Variants in EIF4A2 observed in about 807,000 individuals in gnomAD.
EIF4A2 encodes the protein eukaryotic initiation factor 4A-II.
A neutral mutation model predicts 50.6 loss-of-function variants in EIF4A2; 9 were observed. The observed-to-expected ratio is 0.18, with a 90% CI of 0.11 to 0.31. EIF4A2 has a LOEUF of 0.31. EIF4A2 is among the 10% of genes least tolerant of loss of function. The pLI is 1.00. For synonymous variants in EIF4A2, 215 were observed against 164.4 expected (o/e 1.31, Z -2.35); for missense variants, 182 against 501.8 (o/e 0.36, Z 6.09).
At chr3:186,785,429 C>A in intron 4 of EIF4A2, 2 of 372,266 alleles carry the variant, frequency 5.4e-6, no homozygotes, top group African/African-American at 2.1e-5. Flanking sequence ...GTTCGTGATG[C>A]ATCTGTTGCA....
At chr3:186,788,911 A>G in intron 10 of EIF4A2, 1 of 555,836 alleles carries the variant, frequency 1.8e-6, no homozygotes, top group Non-Finnish European at 3.0e-6. Flanking sequence ...TAAAAATCTC[A>G]TTTTGCAGCC....
At chr3:186,788,312 G>A (rs1227254349) in intron 10 of EIF4A2, 4 of 1,290,526 alleles carry the variant, frequency 3.1e-6, no homozygotes, top group Non-Finnish European at 4.0e-6. Flanking sequence ...AAATACAGGA[G>A]TCGATAGCAG....
intron 10 of EIF4A2, chr3:186,788,393 GCA>G (rs1721896783): frequency 6.2e-6 from 8 of 1,284,582 alleles, no homozygotes; most frequent in African/African-American, 3.1e-5. Context: ...AAGCGAAACA[GCA>G]CACTGTTTGA....
intron 4 of EIF4A2, 65 bp downstream of exon 4, chr3:186,785,166 G>A: frequency 1.3e-6 from 2 of 1,592,904 alleles, no homozygotes; most frequent in Non-Finnish European, 1.7e-6. Context: ...TCACAACTGT[G>A]AAGAATTTAA....
rs749499275 is a variant in EIF4A2 at position 186,789,302 on chromosome 3, G to T, written c.*33G>T. 2 of 1,584,178 alleles carry T rather than the reference G, an allele frequency of 1.3e-6. No individual in the cohort carries two copies. Among genetic ancestry groups the T allele is most frequent in the Non-Finnish European group, 1.7e-6 (2 of 1,165,734 alleles). On this transcript the variant is annotated 3_prime_UTR_variant, in exon 11 of 11. Transcript: ENST00000323963. ...GATGAGAGTTTTGGATGCAGTGCTC[G>T]CTGTTGCTGAATAGGCGATCACAAC... is the stretch of plus-strand genomic sequence containing the variant.
At position 186,789,638 on chromosome 3, in the gene EIF4A2, C is replaced by T. The variant is rs188694026; in HGVS notation, c.*369C>T. ...TATAAAATCAGCCAATTATGTTAAACTAGCATATCTGCCTTTATTGTGTTT... is the reference window on the plus strand; with the variant it reads ...TATAAAATCAGCCAATTATGTTAAATTAGCATATCTGCCTTTATTGTGTTT... On this transcript the variant is annotated 3_prime_UTR_variant, in exon 11 of 11. Transcript: ENST00000323963. 2 of 334,374 alleles carry T rather than the reference C, an allele frequency of 6.0e-6. No homozygotes were observed. Among genetic ancestry groups the T allele is most frequent in the Non-Finnish European group, 1.1e-5 (2 of 183,200 alleles). 20.7% of individuals were successfully genotyped at this position (334,374 alleles called of 1,614,324 possible). A position where few individuals can be genotyped will look rare whatever the true frequency, so the allele number is the denominator to read the frequency against.
Position 186,788,258 on chromosome 3 carries a change from T to G in EIF4A2, c.1079+376T>G. 10 of 1,280,300 alleles carry G rather than the reference T, an allele frequency of 7.8e-6. No homozygotes were observed. The South Asian group carries it at 1.3e-4, about 16-fold the overall frequency. The allele number at this position is 1,280,300 out of a possible 1,614,324, so 79.3% of individuals were successfully genotyped here. A position where few individuals can be genotyped will look rare whatever the true frequency, so the allele number is the denominator to read the frequency against. ...TATAGTGGCTTTATCCCTAAATAAATTGAATTGTACTTTGTTATATGATGT... is the reference window on the plus strand; with the variant it reads ...TATAGTGGCTTTATCCCTAAATAAAGTGAATTGTACTTTGTTATATGATGT... On this transcript the variant is annotated intron_variant, in intron 10 of 10. Transcript: ENST00000323963.
chr3:186,784,241 C>A (rs1048203919), intron 1 of EIF4A2, 191 bp from the exon 2 acceptor site: 57 of 777,740 alleles, frequency 7.3e-5, no homozygotes, highest in Non-Finnish European at 1.1e-4. Context: ...GCCTGGGGGG[C>A]TGCCTTTCCG....
At position 186,789,849 on chromosome 3, in the gene EIF4A2, ATGTC is replaced by A. The variant is rs1722011855; in HGVS notation, c.*582_*585del. 1.4e-6 allele frequency: 1 copy of A among 715,632 alleles called. No homozygotes were observed. Among genetic ancestry groups the A allele is most frequent in the South Asian group, 1.9e-5 (1 of 53,944 alleles). 44.3% of individuals were successfully genotyped at this position (715,632 alleles called of 1,614,324 possible). A position where few individuals can be genotyped will look rare whatever the true frequency, so the allele number is the denominator to read the frequency against. On this transcript the variant is annotated 3_prime_UTR_variant, in exon 11 of 11. Transcript: ENST00000323963. ...CCCCAGTAAAATTGCCATATTGCACATGTCTTAATGAAGTTTGAATGTTAAATAA... is the reference window on the plus strand; with the variant it reads ...CCCCAGTAAAATTGCCATATTGCACATTAATGAAGTTTGAATGTTAAATAA...
Position 186,789,333 on chromosome 3 carries a change from T to C in EIF4A2, c.*64T>C, listed in dbSNP as rs931423852. 6 of 1,530,312 alleles carry C rather than the reference T, an allele frequency of 3.9e-6. No homozygotes were observed. In the African/African-American group the frequency reaches 4.2e-5, roughly 11 times the overall value. The allele number at this position is 1,530,312 out of a possible 1,614,324, so 94.8% of individuals were successfully genotyped here. On this transcript the variant is annotated 3_prime_UTR_variant, in exon 11 of 11. Transcript: ENST00000323963. The stretch of plus-strand genomic sequence containing the variant: ...GCTGAATAGGCGATCACAACGTGCA[T>C]TGTGCTTCTTTCTTTGGGAATATTT...
rs778123749 is a variant in EIF4A2, at chr3:186,783,879, C to T, written c.29+240C>T. The T allele has an allele frequency of 2.9e-5, 17 of 588,620 alleles. No individual in the cohort carries two copies. In the Middle Eastern group the frequency reaches 1.4e-3, roughly 48 times the overall value. 36.5% of individuals were successfully genotyped at this position (588,620 alleles called of 1,614,324 possible). On this transcript the variant is annotated intron_variant, in intron 1 of 10. Coordinates refer to ENST00000323963, the MANE Select transcript of EIF4A2 (RefSeq NM_001967.4). ...TCCTCTCTAAGACATTACGAAACTT[C>T]GGCTGCTTTCCTTCCCAGTGTAGAG...
At chr3:186,787,709 T>C (rs1721823751) in intron 9 of EIF4A2, 94 bp from the exon 10 acceptor site, 7 of 1,584,862 alleles carry the variant, frequency 4.4e-6, no homozygotes, top group Non-Finnish European at 6.1e-6. Context: ...CAGTGGGCTA[T>C]ACCACTTAGT....
At chr3:186,783,959 A>G (rs1485011469) in intron 1 of EIF4A2, 2 of 455,266 alleles carry the variant, frequency 4.4e-6, no homozygotes, top group African/African-American at 3.9e-5. Context: ...GTACACTGTA[A>G]CCAGGACCCG....
chr3:186,785,626 T>C, intron 4 of EIF4A2: 1 of 447,382 alleles, frequency 2.2e-6, no homozygotes, highest in Non-Finnish European at 4.0e-6. Context: ...TGAAGAATAA[T>C]GTAGGAAACG....
At chr3:186,789,889 CACTTTAAAGGTGCTTTTGGTCATTTT>C in exon 11 of EIF4A2, 1 of 874,100 alleles carries the variant, frequency 1.1e-6, no homozygotes, top group East Asian at 2.6e-5. Context: ...ATTGTATATT[CACTTTAAAGGTGCTTTTGGTCATTTT>C]ATTTTTATTA....
rs371597681 is a variant in EIF4A2, at chr3:186,789,301, C to T, written c.*32C>T. Reference sequence around the variant, plus strand: ...GGATGAGAGTTTTGGATGCAGTGCTCGCTGTTGCTGAATAGGCGATCACAA... The same window carrying T: ...GGATGAGAGTTTTGGATGCAGTGCTTGCTGTTGCTGAATAGGCGATCACAA... On this transcript the variant is annotated 3_prime_UTR_variant, in exon 11 of 11. Transcript: ENST00000323963. 1.8e-5 allele frequency: 29 copies of T among 1,586,772 alleles called. No homozygotes were observed. The highest frequency in any genetic ancestry group is 2.3e-4 in the Middle Eastern group (1 of 4,332).
intron 1 of EIF4A2, 133 bp downstream of exon 1, chr3:186,783,772 TC>T: frequency 7.2e-7 from 1 of 1,386,960 alleles, no homozygotes; most frequent in Non-Finnish European, 1.0e-6. Context: ...CCTGTGCCCT[TC>T]CAGAAGCTTC....
chr3:186,789,845 G>T lies in EIF4A2; in HGVS notation c.*576G>T. 2 of 705,448 alleles carry T rather than the reference G, an allele frequency of 2.8e-6. No individual in the cohort carries two copies. The highest frequency in any genetic ancestry group is 4.7e-6 in the Non-Finnish European group (2 of 423,784). 43.7% of individuals were successfully genotyped at this position (705,448 alleles called of 1,614,324 possible). ...TAATCCCCAGTAAAATTGCCATATT[G>T]CACATGTCTTAATGAAGTTTGAATG... On this transcript the variant is annotated 3_prime_UTR_variant, in exon 11 of 11. Coordinates refer to ENST00000323963, the MANE Select transcript of EIF4A2 (RefSeq NM_001967.4).
At chr3:186,787,453 A>G (rs752730124) in intron 8 of EIF4A2, 42 bp from the exon 9 acceptor site, 1 of 1,612,010 alleles carries the variant, frequency 6.2e-7, no homozygotes, top group Non-Finnish European at 8.5e-7. Flanking sequence ...TTAAATACCG[A>G]CCTGACTGGT....
Sources: allele counts gnomAD v4.1 joint callset, GRCh38; gene constraint gnomAD v4.1.1; transcripts MANE v1.5; gene names NCBI Gene and HGNC (gene_info 2026-07-23, HGNC 2026-07-21).